PPP4R3B: variants seen among roughly 807,000 people sequenced by gnomAD.
PPP4R3B encodes the protein protein phosphatase 4 regulatory subunit 3B.
A neutral mutation model predicts 95.4 loss-of-function variants in PPP4R3B; 52 were observed. The observed-to-expected ratio is 0.54, with a 90% CI of 0.44 to 0.69. PPP4R3B has a LOEUF of 0.69. Ranked by LOEUF, PPP4R3B falls within the 30% of genes least tolerant of loss-of-function variation. The probability of loss-of-function intolerance (pLI) is 0.00; values close to 1 mark genes in which losing one functional copy is unlikely to be tolerated. For missense variants in PPP4R3B, 1,003 were observed against 1,005.9 expected, an observed-to-expected ratio of 1.00 and a Z score of 0.04; for synonymous variants, 407 against 343.9, an observed-to-expected ratio of 1.18 and a Z score of -2.03.
intron 16 of PPP4R3B, among the ~76,000 whole-genome samples, chr2:55,551,319 C>A (rs762673479): frequency 4.6e-5 from 7 of 150,548 alleles, no homozygotes; most frequent in Non-Finnish European, 1.0e-4. Flanking sequence ...GCCTGGGCAA[C>A]AGAGCAAGAC....
rs183740107 is a variant in PPP4R3B, at chr2:55,553,120, T to C, written c.2455-3114A>G. ...ATGACTCTATAAAGAATAAATTCTA[T>C]AGAGAATGTAATGAACTTTACAGAG... On this transcript the variant is annotated intron_variant, in intron 16 of 16. Transcript: ENST00000616407. 9.5e-3 allele frequency among the ~76,000 whole-genome samples: 1,443 copies of C among 152,270 alleles called. 16 individuals are homozygous for C. The highest frequency in any genetic ancestry group is 0.015 in the Non-Finnish European group (1,025 of 68,014).
At chr2:55,564,588 T>C in intron 14 of PPP4R3B, 91 bp from the exon 15 acceptor site, 2 of 1,146,378 alleles carry the variant, frequency 1.7e-6, no homozygotes, top group South Asian at 1.7e-5. Flanking sequence ...CAAGATGAAC[T>C]GAAGTAATTT....
intron 2 of PPP4R3B, among the ~76,000 whole-genome samples, chr2:55,605,792 G>A (rs1219500326): frequency 6.6e-6 from 1 of 151,578 alleles, no homozygotes; most frequent in Non-Finnish European, 1.5e-5. Flanking sequence ...TATAGTCCCA[G>A]CTACTCAGTA....
chr2:55,612,871 G>A (rs775669638), intron 2 of PPP4R3B, among the ~76,000 whole-genome samples: 27 of 151,800 alleles, frequency 1.8e-4, no homozygotes, highest in Non-Finnish European at 3.4e-4. Flanking sequence ...GTGTGAACCC[G>A]GGAGGCGAAG....
chr2:55,602,241 A>T (rs1023025218), intron 3 of PPP4R3B, among the ~76,000 whole-genome samples: 4 of 152,226 alleles, frequency 2.6e-5, no homozygotes, highest in Admixed American at 1.3e-4. Flanking sequence ...TCATACTGAT[A>T]TTATTTCTCT....
At chr2:55,554,663 CA>C (rs1328755118) in intron 16 of PPP4R3B, among the ~76,000 whole-genome samples, 10 of 152,184 alleles carry the variant, frequency 6.6e-5, no homozygotes, top group Non-Finnish European at 1.5e-4. Flanking sequence ...TCAGATATAT[CA>C]TTTACAAATA....
Position 55,605,902 on chromosome 2 carries a change from C to G in PPP4R3B, c.199-1826G>C, listed in dbSNP as rs575605985. ...GCCTGGCAACAGTGCGAGACTCCGTCTCAAAAAAAAAAAAAAAAAAAAGAA... is the reference window on the plus strand; with the variant it reads ...GCCTGGCAACAGTGCGAGACTCCGTGTCAAAAAAAAAAAAAAAAAAAAGAA... On this transcript the variant is annotated intron_variant, in intron 2 of 16. Transcript: ENST00000616407. Among the ~76,000 whole-genome samples, 50 of 111,902 alleles carry G rather than the reference C, an allele frequency of 4.5e-4. No homozygotes were observed. The South Asian group carries it at 0.015, about 33-fold the overall frequency. The allele number at this position is 111,902 out of a possible 152,430, so 73.4% of individuals were successfully genotyped here.
In PPP4R3B at chr2:55,617,388, G is replaced by A; in HGVS notation, c.-103C>T. The A allele has an allele frequency of 7.5e-7, 1 of 1,341,304 alleles. No homozygotes were observed. The highest frequency in any genetic ancestry group is 9.7e-7 in the Non-Finnish European group (1 of 1,030,632). The allele number at this position is 1,341,304 out of a possible 1,614,324, so 83.1% of individuals were successfully genotyped here. On this transcript the variant is annotated 5_prime_UTR_variant, in exon 1 of 17. Transcript: ENST00000616407. The stretch of plus-strand genomic sequence containing the variant: ...AAAGGCAGTAGTGGCGGTGGCGGCG[G>A]CGGCGGCTTCGGAGAGGCCCGAATT...
chr2:55,564,218 G>A lies in PPP4R3B; in HGVS notation c.2260+95C>T. ...TTGGTATAAAATTTTTGTCTTTCTTGCTTTGTAAACTATAAACAAACCTTC... is the reference window on the plus strand; with the variant it reads ...TTGGTATAAAATTTTTGTCTTTCTTACTTTGTAAACTATAAACAAACCTTC... On this transcript the variant is annotated intron_variant, in intron 15 of 16. Transcript: ENST00000616407. 1 of 1,144,284 alleles carries A rather than the reference G, an allele frequency of 8.7e-7. No individual in the cohort carries two copies. The highest frequency in any genetic ancestry group is 2.4e-5 in the South Asian group (1 of 41,318). 70.9% of individuals were successfully genotyped at this position (1,144,284 alleles called of 1,614,324 possible).
intron 2 of PPP4R3B, among the ~76,000 whole-genome samples, chr2:55,613,775 G>C (rs1004993269): frequency 9.4e-5 from 14 of 148,680 alleles, no homozygotes; most frequent in Non-Finnish European, 2.1e-4. Flanking sequence ...CAAAGTTCCT[G>C]ATAATTATAT....
At chr2:55,592,110 A>C (rs2104383209) in intron 4 of PPP4R3B, among the ~76,000 whole-genome samples, 1 of 152,340 alleles carries the variant, frequency 6.6e-6, no homozygotes, top group East Asian at 1.9e-4. Context: ...AGTAATATAA[A>C]TACAGGCCAA....
Position 55,617,304 on chromosome 2 carries a change from C to A in PPP4R3B, c.-19G>T. ...CCGACATGGTGGCTGCTGTCTCCAC[C>A]GCTCTAGCCGCCGCCTCCTCGCTTA... On this transcript the variant is annotated 5_prime_UTR_variant, in exon 1 of 17. Coordinates refer to ENST00000616407, the MANE Select transcript of PPP4R3B (RefSeq NM_001122964.3). 1 of 1,573,900 alleles carries A rather than the reference C, an allele frequency of 6.4e-7. No homozygotes were observed.
chr2:55,555,720 C>G (rs906366004), intron 16 of PPP4R3B, among the ~76,000 whole-genome samples: 3 of 152,158 alleles, frequency 2.0e-5, no homozygotes, highest in African/African-American at 4.8e-5. Flanking sequence ...AACTTTAATG[C>G]CCATCACATT....
At chr2:55,560,252 G>C (rs1686409771) in intron 15 of PPP4R3B, among the ~76,000 whole-genome samples, 1 of 152,194 alleles carries the variant, frequency 6.6e-6, no homozygotes, top group African/African-American at 2.4e-5. Context: ...AAGACTTGTT[G>C]ACTGGTTTTG....
At chr2:55,606,471 G>C (rs1693407072) in intron 2 of PPP4R3B, among the ~76,000 whole-genome samples, 1 of 151,968 alleles carries the variant, frequency 6.6e-6, no homozygotes, top group African/African-American at 2.4e-5. Flanking sequence ...GATCACTTGA[G>C]GCCAGGAGTT....
At chr2:55,550,119 G>A (rs906437514) in intron 16 of PPP4R3B, 113 bp from the exon 17 acceptor site, 1 of 712,296 alleles carries the variant, frequency 1.4e-6, no homozygotes, top group Non-Finnish European at 2.3e-6. Flanking sequence ...AATCATATCA[G>A]AAATTAACAT....
chr2:55,589,941 T>TA (rs1453147919), intron 4 of PPP4R3B, among the ~76,000 whole-genome samples: 1 of 131,834 alleles, frequency 7.6e-6, no homozygotes, highest in South Asian at 2.6e-4. Context: ...TATATATATA[T>TA]AAAAAATATA....
chr2:55,562,419 T>C (rs1403224515), intron 15 of PPP4R3B, among the ~76,000 whole-genome samples: 1 of 152,072 alleles, frequency 6.6e-6, no homozygotes, highest in Non-Finnish European at 1.5e-5. Flanking sequence ...GGAGACTCCA[T>C]CTCAAAAAGC....
At chr2:55,614,690 T>G (rs966215313) in intron 2 of PPP4R3B, 4 of 152,182 alleles carry the variant, frequency 2.6e-5, no homozygotes, top group South Asian at 2.1e-4. Context: ...TTTAACTCTA[T>G]CCATAATGTT....
Sources: allele counts gnomAD v4.1 joint callset (sites outside exome capture counted in the v4.1 genomes callset), GRCh38; gene constraint gnomAD v4.1.1; transcripts MANE v1.5; gene names NCBI Gene and HGNC (gene_info 2026-07-23, HGNC 2026-07-21).